RAB40C: variants seen among roughly 807,000 people sequenced by gnomAD.
The protein encoded by RAB40C is ras-related protein Rab-40C.
Under a neutral mutation model 28.1 loss-of-function variants are expected in RAB40C, and 8 were observed. The observed-to-expected ratio is 0.28, with a 90% CI of 0.17 to 0.51. The LOEUF is 0.51. Among genes scored for constraint, RAB40C ranks in the 20% least tolerant of loss-of-function variants. The probability of loss-of-function intolerance (pLI) is 0.97; values close to 1 mark genes in which losing one functional copy is unlikely to be tolerated. For missense variants in RAB40C, 288 were observed against 405.9 expected (o/e 0.71, Z 2.50); for synonymous variants, 201 against 171.7 (o/e 1.17, Z -1.34).
At chr16:618,383 A>G in intron 3 of RAB40C, 123 bp downstream of exon 3, 1 of 1,003,740 alleles carries the variant, frequency 1.0e-6, no homozygotes, top group East Asian at 2.9e-5. Context: ...ATATTCTCAC[A>G]TTGGTTTGTT....
At chr16:593,054 C>T (rs1280823449) in intron 1 of RAB40C, among the ~76,000 whole-genome samples, 1 of 152,246 alleles carries the variant, frequency 6.6e-6, no homozygotes, top group Non-Finnish European at 1.5e-5. Flanking sequence ...GGGCACACTT[C>T]CAGGTCCCCG....
chr16:596,157 T>A (rs1372054294), intron 1 of RAB40C, among the ~76,000 whole-genome samples: 1 of 152,246 alleles, frequency 6.6e-6, no homozygotes, highest in Non-Finnish European at 1.5e-5. Context: ...TGGACACAGA[T>A]GACTCGTGTC....
rs75961884 is a variant in RAB40C at position 603,200 on chromosome 16, G to A, written c.142+12767G>A. ...TTTGGCTTGTTGTGGGTTTTAAGGCGTTAAGTAAAAGCTCTAGCTTCGCAG... is the reference window on the plus strand; with the variant it reads ...TTTGGCTTGTTGTGGGTTTTAAGGCATTAAGTAAAAGCTCTAGCTTCGCAG... On this transcript the variant is annotated intron_variant, in intron 1 of 5. Coordinates refer to ENST00000248139, the MANE Select transcript of RAB40C (RefSeq NM_021168.5). Among the ~76,000 whole-genome samples the A allele has an allele frequency of 2.1e-3, 314 of 152,322 alleles. 2 individuals are homozygous for A. The highest frequency in any genetic ancestry group is 7.0e-3 in the African/African-American group (290 of 41,578).
At position 627,837 on chromosome 16, in the gene RAB40C, T is replaced by C; in HGVS notation, c.*215T>C. The C allele has an allele frequency of 4.0e-6, 2 of 504,638 alleles. No homozygotes were observed. The highest frequency in any genetic ancestry group is 6.5e-6 in the Non-Finnish European group (2 of 305,926). 31.3% of individuals were successfully genotyped at this position (504,638 alleles called of 1,614,324 possible). On this transcript the variant is annotated 3_prime_UTR_variant, in exon 6 of 6. Transcript: ENST00000248139. ...GGGGGCGCGGCTGGGCTGCTGGTGC[T>C]TCCGGGAATCTTGGTCGGAAACAAG...
At position 598,780 on chromosome 16, in the gene RAB40C, AG is replaced by A. The variant is rs775071660; in HGVS notation, c.142+8348del. ...AAAGAAAAGAGGATGGAAGAAGAGAAGAGCTGAGTCCTGGAAATGGGCAGGT... is the reference window on the plus strand; with the variant it reads ...AAAGAAAAGAGGATGGAAGAAGAGAAAGCTGAGTCCTGGAAATGGGCAGGT... On this transcript the variant is annotated intron_variant, in intron 1 of 5. Coordinates refer to ENST00000248139, the MANE Select transcript of RAB40C (RefSeq NM_021168.5). Among the ~76,000 whole-genome samples the A allele has an allele frequency of 3.9e-5, 6 of 152,110 alleles. No individual in the cohort carries two copies. In the East Asian group the frequency reaches 1.2e-3, roughly 29 times the overall value.
chr16:614,532 G>A (rs2036548932), intron 1 of RAB40C, among the ~76,000 whole-genome samples: 2 of 128,614 alleles, frequency 1.6e-5, no homozygotes, highest in Admixed American at 7.9e-5. Context: ...TCGTCCCGAT[G>A]GTGAACTGCC....
intron 1 of RAB40C, among the ~76,000 whole-genome samples, chr16:599,211 C>T (rs529247988): frequency 2.2e-3 from 338 of 152,378 alleles, no homozygotes; most frequent in Non-Finnish European, 3.6e-3. Flanking sequence ...CGGCCCCGGC[C>T]GAAGCTGCCA....
At chr16:601,342 G>C (rs989034239) in intron 1 of RAB40C, among the ~76,000 whole-genome samples, 10 of 152,318 alleles carry the variant, frequency 6.6e-5, no homozygotes, top group Admixed American at 6.5e-4. Context: ...TGTTAGAGGT[G>C]TTACATTTGC....
rs1052280975 is a variant in RAB40C, at chr16:624,317, A to G, written c.265-1115A>G. 3.2e-5 allele frequency: 32 copies of G among 985,292 alleles called. No individual in the cohort carries two copies. The African/African-American group carries it at 4.2e-4, about 13-fold the overall frequency. The allele number at this position is 985,292 out of a possible 1,614,324, so 61.0% of individuals were successfully genotyped here. ...AGCCAGCCCCAGTCCCTGTGCCCCA[A>G]CCTCCAGGGTTAACCCCTGGGTGTG... is the stretch of plus-strand genomic sequence containing the variant. On this transcript the variant is annotated intron_variant, in intron 3 of 5. Coordinates refer to ENST00000248139, the MANE Select transcript of RAB40C (RefSeq NM_021168.5).
At chr16:617,298 T>A in intron 2 of RAB40C, 30 bp downstream of exon 2, 1 of 1,612,848 alleles carries the variant, frequency 6.2e-7, no homozygotes, top group East Asian at 2.2e-5. Context: ...CTTCAGTTCC[T>A]GGGTGAGGAC....
intron 1 of RAB40C, among the ~76,000 whole-genome samples, chr16:597,048 C>T (rs945347855): frequency 6.6e-6 from 1 of 152,044 alleles, no homozygotes; most frequent in Non-Finnish European, 1.5e-5. Flanking sequence ...GGGTATGGGG[C>T]GGAAGACCAG....
At chr16:604,238 ATT>A (rs5815051) in intron 1 of RAB40C, among the ~76,000 whole-genome samples, 2 of 150,024 alleles carry the variant, frequency 1.3e-5, no homozygotes, top group African/African-American at 2.4e-5. Context: ...GTTCTTTTAA[ATT>A]TTTTTTTTTA....
intron 1 of RAB40C, among the ~76,000 whole-genome samples, chr16:598,700 C>G (rs1431843241): frequency 1.3e-5 from 2 of 151,994 alleles, no homozygotes; most frequent in East Asian, 1.9e-4. Flanking sequence ...CTGACTGTTG[C>G]ACTACGTTCC....
At chr16:626,262 G>A in intron 5 of RAB40C, 141 bp downstream of exon 5, 4 of 787,766 alleles carry the variant, frequency 5.1e-6, no homozygotes, top group African/African-American at 1.7e-5. Flanking sequence ...TCGGCCGGCG[G>A]CAGGTCAGTG....
intron 1 of RAB40C, among the ~76,000 whole-genome samples, chr16:590,960 G>A (rs1348706276): frequency 6.7e-6 from 1 of 148,980 alleles, no homozygotes; most frequent in African/African-American, 2.5e-5. Flanking sequence ...TCTGGGGTCC[G>A]GGGAAAGATG....
intron 1 of RAB40C, among the ~76,000 whole-genome samples, chr16:609,371 G>A (rs1045357296): frequency 2.0e-5 from 3 of 152,130 alleles, no homozygotes; most frequent in African/African-American, 7.2e-5. Context: ...AGGGTGGCCT[G>A]AGCAAGCCCC....
At chr16:626,960 G>A (rs917357358) in intron 5 of RAB40C, among the ~76,000 whole-genome samples, 3 of 152,186 alleles carry the variant, frequency 2.0e-5, no homozygotes, top group African/African-American at 4.8e-5. Context: ...AAGAATGAGC[G>A]AGTGCTCTAG....
intron 3 of RAB40C, among the ~76,000 whole-genome samples, chr16:621,567 G>A (rs1463835202): frequency 2.0e-5 from 3 of 152,244 alleles, no homozygotes; most frequent in South Asian, 2.1e-4. Flanking sequence ...GCCGAAGGCC[G>A]GGCTCCCTAG....
intron 1 of RAB40C, among the ~76,000 whole-genome samples, chr16:613,223 G>C (rs1164093406): frequency 7.0e-6 from 1 of 142,104 alleles, no homozygotes; most frequent in Non-Finnish European, 1.5e-5. Context: ...CAGCCGCCCT[G>C]GCCTGTAGCA....
Sources: allele counts gnomAD v4.1 joint callset (sites outside exome capture counted in the v4.1 genomes callset), GRCh38; gene constraint gnomAD v4.1.1; transcripts MANE v1.5; gene names NCBI Gene and HGNC (gene_info 2026-07-23, HGNC 2026-07-21).